Variants in NUP210L observed in about 807,000 individuals in gnomAD.
The protein encoded by NUP210L is nucleoporin 210 like.
In NUP210L, 74 loss-of-function variants were observed where a neutral mutation model predicts 208.5. The ratio of observed to expected loss-of-function variants is 0.35; its 90% confidence interval spans 0.29 to 0.43. NUP210L has a LOEUF of 0.43. Among genes scored for constraint, NUP210L ranks in the 20% least tolerant of loss-of-function variants. NUP210L has a pLI of 1.00. For missense variants in NUP210L, 1,843 were observed against 2,289.4 expected (o/e 0.81, Z 3.98); for synonymous variants, 780 against 816.9 (o/e 0.95, Z 0.77).
chr1:154,134,576 A>G (rs1658427368), intron 7 of NUP210L, among the ~76,000 whole-genome samples: 1 of 150,794 alleles, frequency 6.6e-6, no homozygotes, highest in Non-Finnish European at 1.5e-5. Flanking sequence ...TCTCTACTAA[A>G]AATACAAAAA....
At chr1:154,151,810 C>T (rs745778332) in intron 2 of NUP210L, among the ~76,000 whole-genome samples, 5 of 151,822 alleles carry the variant, frequency 3.3e-5, no homozygotes, top group East Asian at 1.9e-4. Flanking sequence ...AAATGCTGTC[C>T]GGGCACGGTG....
At chr1:154,124,206 A>AG (rs1229539326) in intron 10 of NUP210L, among the ~76,000 whole-genome samples, 57 of 150,768 alleles carry the variant, frequency 3.8e-4, no homozygotes, top group East Asian at 5.9e-4. Context: ...AAAAAAAAAA[A>AG]AGAGAGAGAG....
intron 17 of NUP210L, among the ~76,000 whole-genome samples, chr1:154,064,968 C>T (rs764969711): frequency 1.3e-5 from 2 of 151,618 alleles, no homozygotes; most frequent in Non-Finnish European, 2.9e-5. Context: ...CCCAGCTACT[C>T]GGGAGGCTGA....
chr1:154,106,364 A>G, intron 12 of NUP210L, among the ~76,000 whole-genome samples: 1 of 152,168 alleles, frequency 6.6e-6, no homozygotes, highest in East Asian at 1.9e-4. Flanking sequence ...GTAGATTTCT[A>G]AGGTTCCTGA....
At chr1:154,094,494 C>T (rs1326787695) in intron 15 of NUP210L, among the ~76,000 whole-genome samples, 1 of 152,106 alleles carries the variant, frequency 6.6e-6, no homozygotes, top group Non-Finnish European at 1.5e-5. Context: ...AATAATTCAA[C>T]TGATAGAGAT....
intron 32 of NUP210L, among the ~76,000 whole-genome samples, chr1:154,021,067 G>A (rs990729678): frequency 2.0e-5 from 3 of 150,332 alleles, no homozygotes; most frequent in Middle Eastern, 3.5e-3. Context: ...TCAGCCTCCC[G>A]AGTATCTGGG....
chr1:154,137,688 C>T (rs1481602910), intron 6 of NUP210L, among the ~76,000 whole-genome samples: 1 of 152,022 alleles, frequency 6.6e-6, no homozygotes, highest in East Asian at 1.9e-4. Context: ...GTACTACAAC[C>T]TGGGCAACAG....
chr1:153,993,750 T>C (rs1649637713), intron 38 of NUP210L, among the ~76,000 whole-genome samples: 1 of 151,880 alleles, frequency 6.6e-6, no homozygotes, highest in Non-Finnish European at 1.5e-5. Context: ...AATAAAAAAT[T>C]AGACAGGTGT....
chr1:154,013,006 C>CAAA (rs149011212), intron 33 of NUP210L, among the ~76,000 whole-genome samples: 40,537 of 72,106 alleles, frequency 0.56, 10,345 homozygotes, highest in East Asian at 0.9. Context: ...AACTCTGAAT[C>CAAA]AAAAAAAAAA....
chr1:154,109,334 G>A (rs1290485292), intron 12 of NUP210L, among the ~76,000 whole-genome samples: 1 of 151,566 alleles, frequency 6.6e-6, no homozygotes, highest in East Asian at 1.9e-4. Flanking sequence ...AATTCAGCAA[G>A]AGGATATAAC....
intron 16 of NUP210L, among the ~76,000 whole-genome samples, chr1:154,087,430 C>T (rs573157951): frequency 1.8e-4 from 27 of 151,140 alleles, no homozygotes; most frequent in Admixed American, 1.1e-3. Context: ...ATCAAAATGA[C>T]AAATAATAGT....
At chr1:154,102,995 G>A (rs1656546115) in intron 13 of NUP210L, among the ~76,000 whole-genome samples, 1 of 152,064 alleles carries the variant, frequency 6.6e-6, no homozygotes. Context: ...AGTATAGCTT[G>A]GGCCCAGGAG....
At chr1:154,108,497 A>G (rs1263193084) in intron 12 of NUP210L, among the ~76,000 whole-genome samples, 1 of 151,854 alleles carries the variant, frequency 6.6e-6, no homozygotes, top group Non-Finnish European at 1.5e-5. Context: ...CTCTTTGCTA[A>G]TTTGTTAGTT....
intron 35 of NUP210L, among the ~76,000 whole-genome samples, chr1:154,005,985 G>A (rs1571156967): frequency 6.6e-6 from 1 of 152,080 alleles, no homozygotes; most frequent in Non-Finnish European, 1.5e-5. Flanking sequence ...GTCTCCCAAA[G>A]TGCTGGGATT....
At chr1:154,084,508 G>A (rs532850569) in intron 16 of NUP210L, among the ~76,000 whole-genome samples, 4 of 150,544 alleles carry the variant, frequency 2.7e-5, no homozygotes, top group African/African-American at 4.9e-5. Flanking sequence ...CACCGCACCC[G>A]GCCTTAAATT....
In NUP210L at chr1:154,143,590, C is replaced by A; in HGVS notation, c.341-13G>T. 6.2e-7 allele frequency: 1 copy of A among 1,604,658 alleles called. No homozygotes were observed. The highest frequency in any genetic ancestry group is 1.1e-5 in the South Asian group (1 of 89,464). On this transcript the variant is annotated splice_polypyrimidine_tract_variant and intron_variant, in intron 2 of 39. Transcript: ENST00000368559. ...TCATGGTCAGTCACTACAATGAACC[C>A]AAAAACTGAGTATTTAATTCAATAG...
At chr1:154,009,926 A>G in intron 35 of NUP210L, 46 bp downstream of exon 35, 1 of 1,498,178 alleles carries the variant, frequency 6.7e-7, no homozygotes, top group Non-Finnish European at 9.1e-7. Context: ...AATTATACAA[A>G]TAGATAAACA....
intron 16 of NUP210L, among the ~76,000 whole-genome samples, chr1:154,072,304 T>C (rs1010691579): frequency 2.0e-5 from 3 of 151,718 alleles, no homozygotes; most frequent in Admixed American, 6.6e-5. Context: ...TTTTGTATTT[T>C]TTTATTTTAA....
chr1:154,023,221 A>G, exon 31 of NUP210L: 1 of 1,613,986 alleles, frequency 6.2e-7, no homozygotes, highest in Non-Finnish European at 8.5e-7. Context: ...GCCCAAGGGA[A>G]ATGCTGACAG....
Sources: gnomAD v4.1 joint callset for allele counts (sites outside exome capture counted in the v4.1 genomes callset) on GRCh38, gnomAD v4.1.1 for gene constraint, MANE v1.5 for transcripts, NCBI Gene and HGNC (gene_info 2026-07-23, HGNC 2026-07-21) for gene names.